ARL15: variants seen among roughly 807,000 people sequenced by gnomAD.
ARL15 encodes the protein ADP-ribosylation factor-like protein 15.
ARL15 carries 19 observed loss-of-function variants against 25.2 expected under a neutral mutation model. The ratio of observed to expected loss-of-function variants is 0.75; its 90% CI spans 0.53 to 1.10. The LOEUF (loss-of-function observed/expected upper bound fraction) is 1.10, where lower values mean the gene tolerates loss of function less well. Ranked by LOEUF, ARL15 falls within the 50% of genes least tolerant of loss-of-function variation. The pLI, the probability that ARL15 is intolerant of heterozygous loss-of-function variation, is 0.00. For missense variants in ARL15, 220 were observed against 246.0 expected, an observed-to-expected ratio of 0.89 and a Z score of 0.71; for synonymous variants, 94 against 86.8, an observed-to-expected ratio of 1.08 and a Z score of -0.46.
chr5:54,232,730 A>T (rs536923577), intron 1 of ARL15, among the ~76,000 whole-genome samples: 4 of 152,092 alleles, frequency 2.6e-5, no homozygotes, highest in Non-Finnish European at 5.9e-5. Flanking sequence ...TTCAAGACAC[A>T]TTCTTTTCTC....
At chr5:53,929,145 A>G (rs1746121870) in intron 4 of ARL15, among the ~76,000 whole-genome samples, 2 of 147,932 alleles carry the variant, frequency 1.4e-5, no homozygotes, top group African/African-American at 5.0e-5. Flanking sequence ...TGTTTAGATA[A>G]GCATTCCAGA....
chr5:53,978,192 A>G (rs1270409645), intron 4 of ARL15, among the ~76,000 whole-genome samples: 1 of 152,182 alleles, frequency 6.6e-6, no homozygotes, highest in Admixed American at 6.5e-5. Context: ...AAAATATACA[A>G]TGCTTTAAGT....
At position 54,254,010 on chromosome 5, in the gene ARL15, C is replaced by T. The variant is rs558391720; in HGVS notation, c.48+56422G>A. Among the ~76,000 whole-genome samples, 6 of 152,304 alleles carry T rather than the reference C, an allele frequency of 3.9e-5. No individual in the cohort carries two copies. In the East Asian group the frequency reaches 1.2e-3, roughly 29 times the overall value. On this transcript the variant is annotated intron_variant, in intron 1 of 4. Coordinates refer to ENST00000504924, the MANE Select transcript of ARL15 (RefSeq NM_019087.3). ...AAGATCACTAACAAGTTTCTTAAGA[C>T]ATGGGAGCATTGCAAGATAGGAGCT...
intron 4 of ARL15, among the ~76,000 whole-genome samples, chr5:54,054,362 A>T (rs1200825176): frequency 6.6e-6 from 1 of 152,204 alleles, no homozygotes; most frequent in Non-Finnish European, 1.5e-5. Flanking sequence ...TTATTGTGGC[A>T]CTCTTTCTGA....
At chr5:54,040,270 A>G (rs1429821727) in intron 4 of ARL15, among the ~76,000 whole-genome samples, 1 of 152,214 alleles carries the variant, frequency 6.6e-6, no homozygotes, top group Admixed American at 6.5e-5. Context: ...TCAGCAATGC[A>G]CTTTGTCCCT....
At chr5:54,013,162 G>C (rs1749301639) in intron 4 of ARL15, among the ~76,000 whole-genome samples, 1 of 152,216 alleles carries the variant, frequency 6.6e-6, no homozygotes, top group South Asian at 2.1e-4. Context: ...TTTGAAAACT[G>C]AGTATAGAAA....
chr5:54,123,388 C>T (rs371577492), intron 3 of ARL15, among the ~76,000 whole-genome samples: 1 of 152,144 alleles, frequency 6.6e-6, no homozygotes, highest in African/African-American at 2.4e-5. Context: ...GGATTACAGG[C>T]GTGAGCCAAC....
chr5:54,003,543 C>G (rs1473773258), intron 4 of ARL15, among the ~76,000 whole-genome samples: 2 of 152,168 alleles, frequency 1.3e-5, no homozygotes, highest in Admixed American at 6.5e-5. Context: ...TTCCCTCAAA[C>G]AAAGCCTGAG....
At chr5:54,100,101 C>CA (rs1561223771) in intron 4 of ARL15, among the ~76,000 whole-genome samples, 1 of 151,972 alleles carries the variant, frequency 6.6e-6, no homozygotes, top group Non-Finnish European at 1.5e-5. Flanking sequence ...TTTATAATCA[C>CA]AAAAAATCTA....
chr5:53,907,824 T>C (rs1745321331), intron 4 of ARL15, among the ~76,000 whole-genome samples: 1 of 151,966 alleles, frequency 6.6e-6, no homozygotes, highest in Non-Finnish European at 1.5e-5. Context: ...TTACTCTCTG[T>C]GTGAGCAATG....
At chr5:54,006,422 A>C (rs1172991027) in intron 4 of ARL15, among the ~76,000 whole-genome samples, 1 of 141,106 alleles carries the variant, frequency 7.1e-6, no homozygotes, top group Non-Finnish European at 1.6e-5. Flanking sequence ...ATGCACAACA[A>C]AAAAGATTTT....
intron 4 of ARL15, among the ~76,000 whole-genome samples, chr5:54,103,163 T>G (rs1579802066): frequency 6.9e-6 from 1 of 145,752 alleles, no homozygotes; most frequent in South Asian, 2.2e-4. Flanking sequence ...AACTTGTAAA[T>G]TTTTTTTTTG....
chr5:54,132,547 AT>A (rs1429072863), intron 3 of ARL15, among the ~76,000 whole-genome samples: 1 of 152,232 alleles, frequency 6.6e-6, no homozygotes, highest in African/African-American at 2.4e-5. Context: ...TATTTAAAAA[AT>A]ATAAACTAAA....
At chr5:53,926,831 A>G (rs72763156) in intron 4 of ARL15, among the ~76,000 whole-genome samples, 7,919 of 152,152 alleles carry the variant, frequency 0.052, 271 homozygotes, top group Middle Eastern at 0.085. Context: ...AAGTTGTTCA[A>G]TGAGCCAGGA....
Position 54,275,694 on chromosome 5 carries a change from T to G in ARL15, c.48+34738A>C, listed in dbSNP as rs896124545. 2.6e-4 allele frequency among the ~76,000 whole-genome samples: 39 copies of G among 151,274 alleles called. No individual in the cohort carries two copies. The East Asian group carries it at 7.4e-3, about 29-fold the overall frequency. ...TTATATTATTATTATTTTATTTATT[T>G]TTTTTTTTGAGACACAGTCTCACTC... On this transcript the variant is annotated intron_variant, in intron 1 of 4. Coordinates refer to ENST00000504924, the MANE Select transcript of ARL15 (RefSeq NM_019087.3).
At chr5:54,003,684 CT>C (rs1748924538) in intron 4 of ARL15, among the ~76,000 whole-genome samples, 1 of 150,844 alleles carries the variant, frequency 6.6e-6, no homozygotes, top group Non-Finnish European at 1.5e-5. Context: ...ATCTATCTAT[CT>C]ATCTATCTAT....
chr5:54,154,993 C>T (rs865795293), intron 2 of ARL15, among the ~76,000 whole-genome samples: 14 of 152,100 alleles, frequency 9.2e-5, no homozygotes, highest in Middle Eastern at 3.4e-3. Context: ...TGGTGGCACA[C>T]GCCTGTAATC....
intron 4 of ARL15, among the ~76,000 whole-genome samples, chr5:53,948,517 C>T (rs79064287): frequency 2.6e-5 from 4 of 152,192 alleles, no homozygotes; most frequent in Non-Finnish European, 1.5e-5. Flanking sequence ...TTCTTATTCA[C>T]TGAACAGAAA....
At chr5:54,054,398 T>C (rs186801209) in intron 4 of ARL15, among the ~76,000 whole-genome samples, 398 of 152,056 alleles carry the variant, frequency 2.6e-3, no homozygotes, top group Middle Eastern at 0.01. Flanking sequence ...ACAAAGCAAA[T>C]GTCCCAAATA....
Sources: allele counts gnomAD v4.1 joint callset (sites outside exome capture counted in the v4.1 genomes callset), GRCh38; gene constraint gnomAD v4.1.1; transcripts MANE v1.5; gene names NCBI Gene and HGNC (gene_info 2026-07-23, HGNC 2026-07-21).